MPV17L: variants seen among roughly 807,000 people sequenced by gnomAD.
The protein encoded by MPV17L is MPV17 mitochondrial inner membrane protein like, also known as mpv17-like protein.
A neutral mutation model predicts 25.8 loss-of-function variants in MPV17L; 24 were observed. The observed-to-expected ratio is 0.93, with a 90% CI of 0.67 to 1.31. The LOEUF (loss-of-function observed/expected upper bound fraction) is 1.31. Ranked by LOEUF, MPV17L falls within the 50% of genes most tolerant of loss-of-function variation. The pLI is 0.00. For synonymous variants in MPV17L, 102 were observed against 115.3 expected (o/e 0.88, Z 0.74); for missense variants, 250 against 265.6 (o/e 0.94, Z 0.41).
chr16:15,398,982 G>T (rs933410920), intron 1 of MPV17L, among the ~76,000 whole-genome samples: 1 of 152,042 alleles, frequency 6.6e-6, no homozygotes, highest in Non-Finnish European at 1.5e-5. Context: ...TTTGCGTAAG[G>T]CTTTACATGG....
chr16:15,396,619 A>G (rs1225727769), intron 1 of MPV17L, among the ~76,000 whole-genome samples: 1 of 152,160 alleles, frequency 6.6e-6, no homozygotes, highest in Admixed American at 6.5e-5. Context: ...AGCAGCTGCA[A>G]TGACCGTGAA....
intron 1 of MPV17L, among the ~76,000 whole-genome samples, chr16:15,397,779 A>G (rs1249481141): frequency 6.6e-6 from 1 of 151,142 alleles, no homozygotes; most frequent in Non-Finnish European, 1.5e-5. Flanking sequence ...TACAGACCCC[A>G]CCAGAAACAC....
chr16:15,396,655 G>C (rs1018970757), intron 1 of MPV17L, among the ~76,000 whole-genome samples: 1 of 152,132 alleles, frequency 6.6e-6, no homozygotes, highest in South Asian at 2.1e-4. Flanking sequence ...GGAAGGAACC[G>C]ACCTGCTGTT....
chr16:15,396,035 C>T lies in MPV17L; in HGVS notation c.138C>T (p.Arg46=). ...QRLQGREANW[R]QTRRVATLVV... is the part of the protein sequence containing the mutation. ...TGCAGGGCCGCGAGGCCAACTGGCG[C>T]CAGACGCGGCGCGTGGCCACGTTGG... The change falls in exon 1 of 4, where the codon CGC becomes CGT. Residue 46 remains arginine (R), a synonymous_variant. Transcript: ENST00000396385. The T allele has an allele frequency of 1.3e-6, 2 of 1,533,470 alleles. No homozygotes were observed. The highest frequency in any genetic ancestry group is 1.4e-5 in the African/African-American group (1 of 72,092). The allele number at this position is 1,533,470 out of a possible 1,614,324, so 95.0% of individuals were successfully genotyped here.
At chr16:15,404,011 C>G (rs903235829) in intron 2 of MPV17L, among the ~76,000 whole-genome samples, 2 of 151,570 alleles carry the variant, frequency 1.3e-5, no homozygotes, top group African/African-American at 2.4e-5. Flanking sequence ...ACTAAAAATA[C>G]AAAAATTAGC....
rs565277219 is a variant in MPV17L, at chr16:15,400,690, A to G, written c.311-97A>G. 1.2e-4 allele frequency: 92 copies of G among 748,440 alleles called. No homozygotes were observed. The African/African-American group carries it at 1.6e-3, about 13-fold the overall frequency. The allele number at this position is 748,440 out of a possible 1,614,324, so 46.4% of individuals were successfully genotyped here. On this transcript the variant is annotated intron_variant, in intron 1 of 3. Coordinates refer to ENST00000396385, the MANE Select transcript of MPV17L (RefSeq NM_001128423.2). The stretch of plus-strand genomic sequence containing the variant: ...AGGGTCATATTGTTGGATGATAGTG[A>G]TGGTTACTTTGCATTTTGGAATGGG...
intron 2 of MPV17L, among the ~76,000 whole-genome samples, chr16:15,401,665 CA>C (rs940100485): frequency 2.0e-5 from 3 of 151,892 alleles, no homozygotes; most frequent in Non-Finnish European, 2.9e-5. Context: ...ACTAAAAATA[CA>C]AAAAATAGTC....
At position 15,410,067 on chromosome 16, in the gene MPV17L, A is replaced by C. The variant is rs930216321; in HGVS notation, c.*1955A>C. 2.0e-5 allele frequency: 3 copies of C among 152,182 alleles called. No individual in the cohort carries two copies. Among genetic ancestry groups the C allele is most frequent in the Non-Finnish European group, 4.4e-5 (3 of 68,036 alleles). The allele number at this position is 152,182 out of a possible 1,614,324, so 9.4% of individuals were successfully genotyped here. On this transcript the variant is annotated 3_prime_UTR_variant, in exon 4 of 4. Transcript: ENST00000396385. ...GATAAATATTTATACTTTAAGGTAA[A>C]CATGAGAAACTTGATCTAATATTTA... is the stretch of plus-strand genomic sequence containing the variant.
chr16:15,402,467 GC>G (rs911211167), intron 2 of MPV17L, among the ~76,000 whole-genome samples: 2 of 152,080 alleles, frequency 1.3e-5, no homozygotes, highest in African/African-American at 4.8e-5. Flanking sequence ...ATGGTACCAG[GC>G]CCCTGAGCCA....
At chr16:15,398,327 G>A (rs2050604893) in intron 1 of MPV17L, among the ~76,000 whole-genome samples, 1 of 152,014 alleles carries the variant, frequency 6.6e-6, no homozygotes, top group Admixed American at 6.6e-5. Context: ...ACAGGCGTGA[G>A]CCCTCACACT....
chr16:15,407,426 T>C (rs1285690675), intron 2 of MPV17L, among the ~76,000 whole-genome samples: 1 of 152,160 alleles, frequency 6.6e-6, no homozygotes, highest in Non-Finnish European at 1.5e-5. Flanking sequence ...TGGAATGAAC[T>C]GTGCAATTGT....
rs554858535 is a variant in MPV17L, at chr16:15,400,092, G to A, written c.311-695G>A. Among the ~76,000 whole-genome samples the A allele has an allele frequency of 4.6e-5, 7 of 152,152 alleles. No homozygotes were observed. The East Asian group carries it at 5.8e-4, about 13-fold the overall frequency. On this transcript the variant is annotated intron_variant, in intron 1 of 3. Transcript: ENST00000396385. ...TGCTGGGATTACAGGCATGAGCCAC[G>A]CGCCCAGCCCACTAGCTTTTTTAAA...
chr16:15,409,111 T>A lies in MPV17L; in HGVS notation c.*999T>A, dbSNP rs1374429716. The A allele has an allele frequency of 1.6e-5, 2 of 126,166 alleles. No homozygotes were observed. Among genetic ancestry groups the A allele is most frequent in the African/African-American group, 6.0e-5 (2 of 33,502 alleles). 7.8% of individuals were successfully genotyped at this position (126,166 alleles called of 1,614,324 possible). Reference sequence around the variant, plus strand: ...TTTTTTTTTTTTTTGAGACAGAGACTCGCTCTGTCACCCAGGCTGGAGTGC... The same window carrying A: ...TTTTTTTTTTTTTTGAGACAGAGACACGCTCTGTCACCCAGGCTGGAGTGC... On this transcript the variant is annotated 3_prime_UTR_variant, in exon 4 of 4. Coordinates refer to ENST00000396385, the MANE Select transcript of MPV17L (RefSeq NM_001128423.2).
At chr16:15,404,592 G>A (rs1371783130) in intron 2 of MPV17L, among the ~76,000 whole-genome samples, 1 of 152,032 alleles carries the variant, frequency 6.6e-6, no homozygotes, top group Admixed American at 6.6e-5. Flanking sequence ...AGGCCAAGGC[G>A]AGCAGATCAT....
intron 2 of MPV17L, among the ~76,000 whole-genome samples, chr16:15,407,360 T>A (rs754266213): frequency 6.6e-6 from 1 of 152,300 alleles, no homozygotes; most frequent in Non-Finnish European, 1.5e-5. Context: ...ATCAGCTTAG[T>A]CTGAAATATA....
intron 2 of MPV17L, 142 bp downstream of exon 2, chr16:15,400,999 A>G (rs572151554): frequency 3.5e-5 from 14 of 404,504 alleles, no homozygotes; most frequent in African/African-American, 2.7e-4. Flanking sequence ...ATATTTTCAT[A>G]TACATGTGAT....
intron 2 of MPV17L, among the ~76,000 whole-genome samples, chr16:15,402,371 G>GCTTC (rs1365352919): frequency 1.3e-5 from 2 of 152,180 alleles, no homozygotes; most frequent in Non-Finnish European, 2.9e-5. Context: ...CTGGCCTAGG[G>GCTTC]CTTCACATGT....
intron 2 of MPV17L, 139 bp downstream of exon 2, chr16:15,400,996 C>A: frequency 2.6e-6 from 1 of 382,700 alleles, no homozygotes; most frequent in Non-Finnish European, 3.8e-6. Flanking sequence ...TACATATTTT[C>A]ATATACATGT....
chr16:15,408,493 A>C lies in MPV17L; in HGVS notation c.*381A>C, dbSNP rs143575351. 157 of 164,642 alleles carry C rather than the reference A, an allele frequency of 9.5e-4. 1 individual carries two copies. The East Asian group carries it at 0.021, about 22-fold the overall frequency. The allele number at this position is 164,642 out of a possible 1,614,324, so 10.2% of individuals were successfully genotyped here. Reference sequence around the variant, plus strand: ...GGCAGATGAAGTTTTATACCAAAAAATAGTTCTTAGAGTGAATTTTAATTT... The same window carrying C: ...GGCAGATGAAGTTTTATACCAAAAACTAGTTCTTAGAGTGAATTTTAATTT... On this transcript the variant is annotated 3_prime_UTR_variant, in exon 4 of 4. Coordinates refer to ENST00000396385, the MANE Select transcript of MPV17L (RefSeq NM_001128423.2).
Sources: allele counts gnomAD v4.1 joint callset (sites outside exome capture counted in the v4.1 genomes callset), GRCh38; gene constraint gnomAD v4.1.1; transcripts MANE v1.5; gene names NCBI Gene and HGNC (gene_info 2026-07-23, HGNC 2026-07-21).